The following ZNF407 variants were observed in gnomAD, a reference collection of about 807,000 sequenced individuals.
The protein encoded by ZNF407 is zinc finger protein 407.
ZNF407 carries 17 observed loss-of-function variants against 131.2 expected under a neutral mutation model. That is an observed-to-expected ratio of 0.13 (90% CI 0.09 to 0.19). The LOEUF is 0.19. Among genes scored for constraint, ZNF407 ranks in the 10% least tolerant of loss-of-function variants. The probability of loss-of-function intolerance (pLI) is 1.00; values close to 1 mark genes in which losing one functional copy is unlikely to be tolerated. For missense variants in ZNF407, 2,681 were observed against 2,830.6 expected, an observed-to-expected ratio of 0.95 and a Z score of 1.20; for synonymous variants, 1,156 against 1,062.0, an observed-to-expected ratio of 1.09 and a Z score of -1.72.
At chr18:74,762,450 T>C (rs1344231556) in intron 3 of ZNF407, among the ~76,000 whole-genome samples, 2 of 152,200 alleles carry the variant, frequency 1.3e-5, no homozygotes, top group South Asian at 4.1e-4. Context: ...ATTTGAAATG[T>C]ATGATTTGAT....
At chr18:75,037,466 A>G (rs927471005) in intron 8 of ZNF407, among the ~76,000 whole-genome samples, 1 of 151,736 alleles carries the variant, frequency 6.6e-6, no homozygotes, top group Admixed American at 6.6e-5. Flanking sequence ...TTCCAGTTCT[A>G]TGAATTAGAA....
At chr18:74,640,202 C>T (rs1174666575) in intron 2 of ZNF407, among the ~76,000 whole-genome samples, 1 of 152,048 alleles carries the variant, frequency 6.6e-6, no homozygotes, top group Non-Finnish European at 1.5e-5. Context: ...TAATATGTTT[C>T]AGTTTCAATC....
chr18:75,008,584 C>A (rs1972938444), intron 8 of ZNF407, among the ~76,000 whole-genome samples: 1 of 152,136 alleles, frequency 6.6e-6, no homozygotes, highest in African/African-American at 2.4e-5. Flanking sequence ...CTAATGATTA[C>A]TAGTGAGATT....
intron 8 of ZNF407, among the ~76,000 whole-genome samples, chr18:74,970,911 T>C (rs1312943246): frequency 6.6e-6 from 1 of 152,238 alleles, no homozygotes; most frequent in Non-Finnish European, 1.5e-5. Flanking sequence ...CAGCAAACTT[T>C]TGCCTGGACA....
Position 75,063,447 on chromosome 18 carries a change from G to T in ZNF407, c.5726G>T (p.Gly1909Val). 6.2e-7 allele frequency: 1 copy of T among 1,608,186 alleles called. No individual in the cohort carries two copies. The highest frequency in any genetic ancestry group is 8.5e-7 in the Non-Finnish European group (1 of 1,178,228). Residue 1909 changes from glycine (G) to valine (V), a missense_variant, in exon 9 of 9, where the codon GGC (glycine) becomes GTC (valine). By Grantham distance (109) the Gly-to-Val change is moderately radical. This residue lies in a region of ZNF407 where 620 missense variants were observed against 583.1 expected (regional missense o/e 1.06). Coordinates refer to ENST00000299687, the MANE Select transcript of ZNF407 (RefSeq NM_017757.3). The surrounding 1 kb of genome is among the most constrained non-coding windows in gnomAD (Gnocchi z 6.6). The stretch of plus-strand genomic sequence containing the variant: ...CGGGTGGTGCATATCACGGAGGATG[G>T]CCAGGTCATCGCCACGAGTCAGAGC... ...VARVVHITED[G>V]QVIATSQSGA...
intron 2 of ZNF407, among the ~76,000 whole-genome samples, chr18:74,638,211 T>G (rs1203367365): frequency 6.6e-6 from 1 of 152,190 alleles, no homozygotes; most frequent in Non-Finnish European, 1.5e-5. Context: ...TGTTTGTAGC[T>G]CAATACGTGA....
intron 7 of ZNF407, among the ~76,000 whole-genome samples, chr18:74,914,411 A>G (rs997581935): frequency 1.3e-5 from 2 of 152,162 alleles, no homozygotes; most frequent in Admixed American, 6.5e-5. Context: ...GGAGCCATGC[A>G]GTGTGTGTTG....
chr18:74,922,515 G>A (rs915769723), intron 8 of ZNF407, among the ~76,000 whole-genome samples: 2 of 152,154 alleles, frequency 1.3e-5, no homozygotes, highest in African/African-American at 4.8e-5. Flanking sequence ...CTGTGATTTG[G>A]TTGAGATAAT....
intron 3 of ZNF407, among the ~76,000 whole-genome samples, chr18:74,670,233 C>CT (rs1986089485): frequency 6.6e-6 from 1 of 152,130 alleles, no homozygotes; most frequent in African/African-American, 2.4e-5. Flanking sequence ...GTTTTTATAA[C>CT]CCCCAGTTAA....
At chr18:74,825,422 T>C (rs952112298) in intron 4 of ZNF407, among the ~76,000 whole-genome samples, 3 of 152,192 alleles carry the variant, frequency 2.0e-5, no homozygotes, top group Non-Finnish European at 4.4e-5. Flanking sequence ...GCAGATGACA[T>C]GATTGTATAT....
intron 7 of ZNF407, among the ~76,000 whole-genome samples, chr18:74,906,718 T>C: frequency 6.6e-6 from 1 of 152,036 alleles, no homozygotes; most frequent in East Asian, 1.9e-4. Context: ...TCTGTATATG[T>C]ATGTGCATAT....
chr18:74,889,348 T>A (rs1233625957), intron 6 of ZNF407, among the ~76,000 whole-genome samples: 1 of 152,204 alleles, frequency 6.6e-6, no homozygotes, highest in Non-Finnish European at 1.5e-5. Context: ...TACACAGGGT[T>A]GGTATATTTT....
At chr18:74,858,025 CCTCCCACCCTCT>C (rs1167966069) in intron 4 of ZNF407, among the ~76,000 whole-genome samples, 1 of 146,358 alleles carries the variant, frequency 6.8e-6, no homozygotes, top group African/African-American at 2.5e-5. Flanking sequence ...CCCTTCCTTC[CCTCCCACCCTCT>C]CTTCCTTCCC....
intron 4 of ZNF407, among the ~76,000 whole-genome samples, chr18:74,814,221 C>T (rs75031784): frequency 0.023 from 3,543 of 152,182 alleles, 152 homozygotes; most frequent in African/African-American, 0.081. Flanking sequence ...CTGTAACCTC[C>T]ACCTCCTGGG....
rs770486126 is a variant in ZNF407 at position 75,063,376 on chromosome 18, G to A, written c.5655G>A (p.Thr1885=). The A allele has an allele frequency of 5.2e-5, 83 of 1,610,862 alleles. No homozygotes were observed. In the East Asian group the frequency reaches 7.4e-4, roughly 14 times the overall value. Reference sequence around the variant, plus strand: ...CCCTGGACCCCTCGGTGGAGGAGACGGCCGCCGCCACGCTGCAGACGCTGG... The same window carrying A: ...CCCTGGACCCCTCGGTGGAGGAGACAGCCGCCGCCACGCTGCAGACGCTGG... The part of the protein sequence containing the change: ...EFALDPSVEE[T]AAATLQTLAM... The change falls in exon 9 of 9, where the codon ACG becomes ACA. Residue 1885 remains threonine, a synonymous_variant. Transcript: ENST00000299687. This position sits in a 1 kb window ranked among gnomAD's most constrained non-coding sequence, Gnocchi z 6.6.
At chr18:74,967,476 T>A (rs1176565266) in intron 8 of ZNF407, among the ~76,000 whole-genome samples, 1 of 152,214 alleles carries the variant, frequency 6.6e-6, no homozygotes, top group Non-Finnish European at 1.5e-5. Flanking sequence ...TTTCTGACAG[T>A]GAATTATTGT....
At chr18:74,995,565 C>T (rs1972770829) in intron 8 of ZNF407, among the ~76,000 whole-genome samples, 1 of 152,166 alleles carries the variant, frequency 6.6e-6, no homozygotes, top group Non-Finnish European at 1.5e-5. Context: ...TGGGTCAGCT[C>T]TGTCTCACTG....
intron 4 of ZNF407, among the ~76,000 whole-genome samples, chr18:74,859,772 G>T (rs753286280): frequency 6.6e-6 from 1 of 152,132 alleles, no homozygotes; most frequent in African/African-American, 2.4e-5. Flanking sequence ...TGGAGGATAG[G>T]CCCTGTGTCC....
chr18:74,769,356 C>T (rs1401321033), intron 3 of ZNF407, among the ~76,000 whole-genome samples: 1 of 151,832 alleles, frequency 6.6e-6, no homozygotes, highest in African/African-American at 2.4e-5. Context: ...CAATGTTTTA[C>T]CTCCTTCAGA....
Sources: gnomAD v4.1 joint callset for allele counts (sites outside exome capture counted in the v4.1 genomes callset) on GRCh38, gnomAD v4.1.1 for gene constraint, gnomAD v4.1.1 regional missense constraint, Gnocchi (gnomAD v3.1) non-coding constraint, MANE v1.5 for transcripts, NCBI Gene and HGNC (gene_info 2026-07-23, HGNC 2026-07-21) for gene names.